The following DAAM1 variants were observed in gnomAD, a reference collection of about 807,000 sequenced individuals.
DAAM1 encodes the protein disheveled-associated activator of morphogenesis 1.
A neutral mutation model predicts 130.0 loss-of-function variants in DAAM1; 52 were observed. That is an observed-to-expected ratio of 0.40 (90% CI 0.32 to 0.50). The LOEUF (loss-of-function observed/expected upper bound fraction) is 0.50, where lower values mean the gene tolerates loss of function less well. DAAM1 is among the 20% of genes least tolerant of loss of function. The pLI, the probability that DAAM1 is intolerant of heterozygous loss-of-function variation, is 0.61. For missense variants in DAAM1, 1,134 were observed against 1,303.8 expected (o/e 0.87, Z 2.01); for synonymous variants, 452 against 444.5 (o/e 1.02, Z -0.21).
chr14:59,313,668 A>T (rs762230003), intron 3 of DAAM1, among the ~76,000 whole-genome samples: 1 of 152,196 alleles, frequency 6.6e-6, no homozygotes, highest in African/African-American at 2.4e-5. Context: ...ATTGAATATC[A>T]CTGTGAGTTT....
chr14:59,337,929 T>G (rs1885691635), intron 15 of DAAM1, among the ~76,000 whole-genome samples: 3 of 152,194 alleles, frequency 2.0e-5, no homozygotes, highest in African/African-American at 7.2e-5. Flanking sequence ...CAAAAAAAGT[T>G]TATTTATTTA....
At position 59,321,078 on chromosome 14, in the gene DAAM1, A is replaced by T. The variant is rs566558824; in HGVS notation, c.440+494A>T. On this transcript the variant is annotated intron_variant, in intron 5 of 24. Coordinates refer to ENST00000360909, the MANE Select transcript of DAAM1 (RefSeq NM_001270520.2). ...AACCCGTATATTGATCAGCTGATGA[A>T]TGGATAAATGAAATGTTATATATCC... Among the ~76,000 whole-genome samples the T allele has an allele frequency of 2.6e-5, 4 of 152,306 alleles. No individual in the cohort carries two copies. In the South Asian group the frequency reaches 8.3e-4, roughly 32 times the overall value.
chr14:59,301,772 G>A (rs1034711865), intron 3 of DAAM1, among the ~76,000 whole-genome samples: 3 of 152,190 alleles, frequency 2.0e-5, no homozygotes, highest in African/African-American at 7.2e-5. Flanking sequence ...TTCAGAAGTT[G>A]AGAGGTCTAA....
chr14:59,214,072 C>G (rs1888505444), intron 1 of DAAM1, among the ~76,000 whole-genome samples: 1 of 152,192 alleles, frequency 6.6e-6, no homozygotes, highest in East Asian at 1.9e-4. Flanking sequence ...GGCGTTAGCA[C>G]AAAGCTAAAT....
chr14:59,340,325 C>G, intron 16 of DAAM1, 145 bp downstream of exon 16: 9 of 700,636 alleles, frequency 1.3e-5, no homozygotes, highest in Non-Finnish European at 1.9e-5. Flanking sequence ...GAGAACAGCT[C>G]TTGGTGCTTA....
chr14:59,361,272 T>TG (rs1274774486), intron 22 of DAAM1, among the ~76,000 whole-genome samples: 1 of 152,128 alleles, frequency 6.6e-6, no homozygotes, highest in Non-Finnish European at 1.5e-5. Flanking sequence ...CTTGGTCCTT[T>TG]GGGGAGTATT....
At chr14:59,328,685 C>G (rs1371771827) in intron 12 of DAAM1, among the ~76,000 whole-genome samples, 1 of 152,136 alleles carries the variant, frequency 6.6e-6, no homozygotes, top group Non-Finnish European at 1.5e-5. Context: ...AATGACAAAA[C>G]AAATATAAGA....
At chr14:59,359,310 A>G in intron 20 of DAAM1, 87 bp from the exon 21 acceptor site, 1 of 992,476 alleles carries the variant, frequency 1.0e-6, no homozygotes, top group Non-Finnish European at 1.5e-6. Flanking sequence ...CATATAAATC[A>G]TATGCAGATA....
chr14:59,248,003 G>A (rs1881469157), intron 1 of DAAM1, among the ~76,000 whole-genome samples: 1 of 152,172 alleles, frequency 6.6e-6, no homozygotes, highest in Non-Finnish European at 1.5e-5. Context: ...TTTAGCCACT[G>A]ATGACTTTTG....
chr14:59,330,263 AGGCTCTCTTCTT>A (rs1365580883), intron 12 of DAAM1, among the ~76,000 whole-genome samples: 1 of 136,180 alleles, frequency 7.3e-6, no homozygotes, highest in East Asian at 2.3e-4. Flanking sequence ...CTGTGAGTGT[AGGCTCTCTTCTT>A]CAGTCTCTTA....
chr14:59,267,809 A>G (rs1482962844), intron 2 of DAAM1, among the ~76,000 whole-genome samples: 1 of 151,790 alleles, frequency 6.6e-6, no homozygotes, highest in East Asian at 1.9e-4. Flanking sequence ...GACTTCACAG[A>G]GTGTTTTCAA....
chr14:59,258,532 G>A (rs1317335288), intron 1 of DAAM1, among the ~76,000 whole-genome samples: 2 of 152,346 alleles, frequency 1.3e-5, no homozygotes, highest in South Asian at 4.1e-4. Context: ...AGTGATGGGT[G>A]CGAATATGCA....
chr14:59,210,194 G>A (rs571751829), intron 1 of DAAM1, among the ~76,000 whole-genome samples: 74 of 152,212 alleles, frequency 4.9e-4, no homozygotes, highest in African/African-American at 1.7e-3. Flanking sequence ...ACAAAGTTTT[G>A]CAAATTGACG....
chr14:59,317,948 T>G (rs961907226), intron 4 of DAAM1, among the ~76,000 whole-genome samples: 34 of 152,314 alleles, frequency 2.2e-4, no homozygotes, highest in African/African-American at 7.7e-4. Flanking sequence ...CTGTTTTCTT[T>G]AATGTCTTAA....
chr14:59,332,803 T>A (rs1885492728), intron 15 of DAAM1, among the ~76,000 whole-genome samples: 1 of 152,160 alleles, frequency 6.6e-6, no homozygotes, highest in African/African-American at 2.4e-5. Context: ...AGAAAGATTC[T>A]TAAGTATGAC....
At chr14:59,274,201 A>G (rs1882850126) in intron 2 of DAAM1, among the ~76,000 whole-genome samples, 1 of 152,200 alleles carries the variant, frequency 6.6e-6, no homozygotes, top group Admixed American at 6.5e-5. Flanking sequence ...TTTGTTGGCA[A>G]GATCCAAAAG....
chr14:59,345,378 G>C (rs1192270161), intron 16 of DAAM1, among the ~76,000 whole-genome samples: 2 of 152,204 alleles, frequency 1.3e-5, no homozygotes, highest in Non-Finnish European at 1.5e-5. Flanking sequence ...TAAGGTGATA[G>C]AACGGGCCTT....
At chr14:59,229,306 T>C (rs1313818126) in intron 1 of DAAM1, among the ~76,000 whole-genome samples, 1 of 152,220 alleles carries the variant, frequency 6.6e-6, no homozygotes, top group Non-Finnish European at 1.5e-5. Context: ...TTTTTGTGAG[T>C]TGTTACCTCT....
chr14:59,354,952 G>A (rs1886420865), intron 19 of DAAM1, among the ~76,000 whole-genome samples: 1 of 152,204 alleles, frequency 6.6e-6, no homozygotes, highest in Non-Finnish European at 1.5e-5. Flanking sequence ...CTGTCTATGG[G>A]TGTTGGTAAC....
Sources: gnomAD v4.1 joint callset for allele counts (sites outside exome capture counted in the v4.1 genomes callset) on GRCh38, gnomAD v4.1.1 for gene constraint, MANE v1.5 for transcripts, NCBI Gene and HGNC (gene_info 2026-07-23, HGNC 2026-07-21) for gene names.